Variants in BIRC6 observed in about 807,000 individuals in gnomAD.
BIRC6 encodes baculoviral IAP repeat containing 6.
A neutral mutation model predicts 503.3 loss-of-function variants in BIRC6; 98 were observed. The observed-to-expected ratio is 0.19, with a 90% CI of 0.17 to 0.23. BIRC6 has a LOEUF of 0.23. BIRC6 is among the 10% of genes least tolerant of loss of function. The probability of loss-of-function intolerance (pLI) is 1.00; values close to 1 mark genes in which losing one functional copy is unlikely to be tolerated. For missense variants in BIRC6, 5,360 were observed against 5,806.0 expected (o/e 0.92, Z 2.50); for synonymous variants, 2,240 against 2,078.7 (o/e 1.08, Z -2.11).
Position 32,453,302 on chromosome 2 carries a change from A to G in BIRC6, c.4619-506A>G, listed in dbSNP as rs545049829. ...TCATTCTATAAAACTGATAATATGAACAAAATACAAGAAACAATGTGTAGA... is the reference window on the plus strand; with the variant it reads ...TCATTCTATAAAACTGATAATATGAGCAAAATACAAGAAACAATGTGTAGA... On this transcript the variant is annotated intron_variant, in intron 22 of 73. Transcript: ENST00000421745. Among the ~76,000 whole-genome samples the G allele has an allele frequency of 2.6e-5, 4 of 152,234 alleles. No individual in the cohort carries two copies. The Middle Eastern group carries it at 0.014, about 518-fold the overall frequency.
At chr2:32,370,157 T>C (rs1053661386) in intron 1 of BIRC6, among the ~76,000 whole-genome samples, 2 of 151,352 alleles carry the variant, frequency 1.3e-5, no homozygotes, top group Admixed American at 6.6e-5. Context: ...TTGAGAGATA[T>C]AACTGTGATA....
Position 32,518,843 on chromosome 2 carries a change from T to C in BIRC6, c.11520T>C (p.Thr3840=). The stretch of plus-strand genomic sequence containing the variant: ...TGTACAAAGGTAGAATTAATGCTAC[T>C]AGCCACGTCATCCAGCATCCAATGT... ...CPLYKGRINA[T]SHVIQHPMYG... The change falls in exon 57 of 74, where the codon ACT becomes ACC. Residue 3840 remains threonine (T), a synonymous_variant. Transcript: ENST00000421745. The C allele has an allele frequency of 6.2e-7, 1 of 1,613,490 alleles. No individual in the cohort carries two copies. The highest frequency in any genetic ancestry group is 1.1e-5 in the South Asian group (1 of 91,072).
At chr2:32,573,196 A>G (rs2060034695) in intron 65 of BIRC6, among the ~76,000 whole-genome samples, 1 of 151,958 alleles carries the variant, frequency 6.6e-6, no homozygotes, top group Admixed American at 6.6e-5. Context: ...TTTTCAGTAA[A>G]TGTTTTTTGT....
intron 66 of BIRC6, among the ~76,000 whole-genome samples, chr2:32,588,144 A>G (rs761104951): frequency 6.6e-6 from 1 of 152,176 alleles, no homozygotes; most frequent in Non-Finnish European, 1.5e-5. Flanking sequence ...ACATGAGGTC[A>G]GGAGTTCAAG....
chr2:32,357,147 G>C lies in BIRC6; in HGVS notation c.-15G>C. ...CACTTCCGGCTAACGCGCTCGGCTT[G>C]CCCCCTGGCCCCGGATGGTGACTGG... On this transcript the variant is annotated 5_prime_UTR_variant, in exon 1 of 74. Coordinates refer to ENST00000421745, the MANE Select transcript of BIRC6 (RefSeq NM_016252.4). This position sits in a 1 kb window ranked among gnomAD's most constrained non-coding sequence, Gnocchi z 4.9. 5 of 1,481,844 alleles carry C rather than the reference G, an allele frequency of 3.4e-6. No individual in the cohort carries two copies. The highest frequency in any genetic ancestry group is 4.4e-6 in the Non-Finnish European group (5 of 1,131,118). The allele number at this position is 1,481,844 out of a possible 1,614,324, so 91.8% of individuals were successfully genotyped here. A position where few individuals can be genotyped will look rare whatever the true frequency, so the allele number is the denominator to read the frequency against.
intron 71 of BIRC6, 94 bp from the exon 72 acceptor site, chr2:32,607,361 A>G (rs2062545399): frequency 1.2e-6 from 1 of 827,946 alleles, no homozygotes; most frequent in Non-Finnish European, 1.8e-6. Flanking sequence ...GTGGAAACAC[A>G]TATTAAAGAA....
At chr2:32,390,291 C>T (rs1246843941) in intron 4 of BIRC6, among the ~76,000 whole-genome samples, 1 of 152,224 alleles carries the variant, frequency 6.6e-6, no homozygotes, top group Non-Finnish European at 1.5e-5. Context: ...CTGCCTCAGC[C>T]TCCCGAGTAG....
At chr2:32,428,285 CCTGTG>C (rs2043743811) in intron 10 of BIRC6, among the ~76,000 whole-genome samples, 1 of 152,182 alleles carries the variant, frequency 6.6e-6, no homozygotes, top group Non-Finnish European at 1.5e-5. Context: ...TACCAGGCCC[CCTGTG>C]CTTCTCTCAC....
intron 3 of BIRC6, among the ~76,000 whole-genome samples, chr2:32,383,076 T>A (rs566017676): frequency 1.3e-5 from 2 of 152,066 alleles, no homozygotes; most frequent in South Asian, 4.1e-4. Context: ...AGACGGAGTC[T>A]GTCTCTGTCA....
chr2:32,443,804 A>G (rs926454530), intron 20 of BIRC6, among the ~76,000 whole-genome samples: 2 of 152,224 alleles, frequency 1.3e-5, no homozygotes, highest in Non-Finnish European at 2.9e-5. Flanking sequence ...TTACGTTAAT[A>G]TCAAGTCATC....
rs1189359007 is a variant in BIRC6, at chr2:32,503,112, G to A, written c.9375G>A (p.Met3125Ile). Residue 3125 changes from methionine (M) to isoleucine (I), a missense_variant, in exon 49 of 74, where the codon ATG becomes ATA. By Grantham distance (10) the Met-to-Ile change is conservative. Transcript: ENST00000421745. ...CTATTGTGAACACTGCAAGAAGTAT[G>A]GTATCAACTATTATGAAATTTCTTG... is the stretch of plus-strand genomic sequence containing the variant. ...TRAIVNTARS[M>I]VSTIMKFLDS... 6.2e-7 allele frequency: 1 copy of A among 1,611,206 alleles called. No homozygotes were observed. Among genetic ancestry groups the A allele is most frequent in the Admixed American group, 1.7e-5 (1 of 59,692 alleles).
intron 22 of BIRC6, among the ~76,000 whole-genome samples, chr2:32,453,051 GT>G (rs1351583005): frequency 6.7e-6 from 1 of 149,236 alleles, no homozygotes; most frequent in African/African-American, 2.5e-5. Flanking sequence ...AAATAATTCT[GT>G]TTAAATGAGT....
chr2:32,540,470 G>A (rs2057575251), intron 61 of BIRC6, among the ~76,000 whole-genome samples: 2 of 151,886 alleles, frequency 1.3e-5, no homozygotes, highest in Admixed American at 1.3e-4. Flanking sequence ...GGGAAATTGA[G>A]CTGTTTTATC....
At chr2:32,491,216 T>C (rs2051663176) in intron 43 of BIRC6, among the ~76,000 whole-genome samples, 1 of 152,132 alleles carries the variant, frequency 6.6e-6, no homozygotes, top group Non-Finnish European at 1.5e-5. Context: ...TCGAGGTGTT[T>C]TCAGAATCAG....
chr2:32,361,463 C>T (rs1199450388), intron 1 of BIRC6, among the ~76,000 whole-genome samples: 2 of 152,110 alleles, frequency 1.3e-5, no homozygotes, highest in Non-Finnish European at 2.9e-5. Flanking sequence ...CAGCCTCCCA[C>T]CCATCAGTAT....
At position 32,473,384 on chromosome 2, in the gene BIRC6, A is replaced by G. The variant is rs183942131; in HGVS notation, c.6720+145A>G. ...ATCATCTAACACTTTGGAGACTTCAATTTCCTTAATTGTTAAAATGACGAC... is the reference window on the plus strand; with the variant it reads ...ATCATCTAACACTTTGGAGACTTCAGTTTCCTTAATTGTTAAAATGACGAC... On this transcript the variant is annotated intron_variant, in intron 33 of 73. Coordinates refer to ENST00000421745, the MANE Select transcript of BIRC6 (RefSeq NM_016252.4). 77 of 642,418 alleles carry G rather than the reference A, an allele frequency of 1.2e-4. No individual in the cohort carries two copies. The Middle Eastern group carries it at 1.6e-3, about 13-fold the overall frequency. The allele number at this position is 642,418 out of a possible 1,614,324, so 39.8% of individuals were successfully genotyped here.
At chr2:32,477,292 T>G in intron 34 of BIRC6, 76 bp from the exon 35 acceptor site, 1 of 1,446,976 alleles carries the variant, frequency 6.9e-7, no homozygotes, top group East Asian at 2.3e-5. Context: ...GTGGATATTT[T>G]CATTACATAA....
chr2:32,578,960 T>C (rs2060457725), intron 66 of BIRC6, among the ~76,000 whole-genome samples: 1 of 51,152 alleles, frequency 2.0e-5, no homozygotes, highest in Admixed American at 1.7e-4. Context: ...CGTAGTTTAC[T>C]ACTTATTTTT....
intron 61 of BIRC6, among the ~76,000 whole-genome samples, chr2:32,540,661 C>G (rs1205144350): frequency 6.6e-6 from 1 of 151,956 alleles, no homozygotes. Flanking sequence ...ATACTTGTGA[C>G]ATTTATGTAA....
Sources: gnomAD v4.1 joint callset for allele counts (sites outside exome capture counted in the v4.1 genomes callset) on GRCh38, gnomAD v4.1.1 for gene constraint, Gnocchi (gnomAD v3.1) non-coding constraint, MANE v1.5 for transcripts, NCBI Gene and HGNC (gene_info 2026-07-23, HGNC 2026-07-21) for gene names.